IL16: variants seen among roughly 807,000 people sequenced by gnomAD.
IL16 encodes interleukin 16, also known as pro-interleukin-16.
In IL16, 67 loss-of-function variants were observed where a neutral mutation model predicts 110.1. The observed-to-expected ratio is 0.61, with a 90% CI of 0.50 to 0.75. The LOEUF (loss-of-function observed/expected upper bound fraction) is 0.75. Among genes scored for constraint, IL16 ranks in the 30% least tolerant of loss-of-function variants. The pLI is 0.00. For missense variants in IL16, 1,545 were observed against 1,655.0 expected, an observed-to-expected ratio of 0.93 and a Z score of 1.15; for synonymous variants, 689 against 662.9, an observed-to-expected ratio of 1.04 and a Z score of -0.61.
chr15:81,278,148 T>C (rs1898999077), intron 6 of IL16, among the ~76,000 whole-genome samples: 1 of 152,068 alleles, frequency 6.6e-6, no homozygotes, highest in African/African-American at 2.4e-5. Flanking sequence ...TTCTGGAAAA[T>C]CGTATCCAAA....
chr15:81,300,873 T>C (rs554192214), intron 14 of IL16, among the ~76,000 whole-genome samples: 27 of 152,224 alleles, frequency 1.8e-4, no homozygotes, highest in Non-Finnish European at 3.7e-4. Flanking sequence ...CAGGAATTCT[T>C]ACTCTCCAAA....
At chr15:81,241,571 T>C (rs1897337845) in intron 2 of IL16, among the ~76,000 whole-genome samples, 1 of 152,170 alleles carries the variant, frequency 6.6e-6, no homozygotes, top group Non-Finnish European at 1.5e-5. Context: ...TTAATAATTC[T>C]ATTTATGAAC....
chr15:81,251,076 A>G (rs1355580040), intron 2 of IL16, among the ~76,000 whole-genome samples: 1 of 152,140 alleles, frequency 6.6e-6, no homozygotes, highest in Non-Finnish European at 1.5e-5. Flanking sequence ...ACTATGGTAC[A>G]GCTTTTATTT....
Position 81,278,904 on chromosome 15 carries a change from A to T in IL16, c.864+14A>T, listed in dbSNP as rs757712833. 2 of 1,589,136 alleles carry T rather than the reference A, an allele frequency of 1.3e-6. No homozygotes were observed. Among genetic ancestry groups the T allele is most frequent in the African/African-American group, 2.7e-5 (2 of 74,516 alleles). ...CAGAAGTTCAAGGTGACCATTTCTT[A>T]TCAACACGTGACCAAACTCTGGGGC... On this transcript the variant is annotated intron_variant, in intron 7 of 18. Coordinates refer to ENST00000683961, the MANE Select transcript of IL16 (RefSeq NM_172217.5).
In IL16 at chr15:81,196,917, A is replaced by G. The variant is rs1187192596; in HGVS notation, c.-337A>G. ...GTCACCTGTCCAGAGCAGGTGGTGA[A>G]TATTGTGTCCTACTCACGGCATCTC... On this transcript the variant is annotated 5_prime_UTR_variant, in exon 1 of 19. Coordinates refer to ENST00000683961, the MANE Select transcript of IL16 (RefSeq NM_172217.5). 8.2e-7 allele frequency: 1 copy of G among 1,224,280 alleles called. No homozygotes were observed. The highest frequency in any genetic ancestry group is 5.9e-5 in the East Asian group (1 of 17,002). 75.8% of individuals were successfully genotyped at this position (1,224,280 alleles called of 1,614,324 possible). A position where few individuals can be genotyped will look rare whatever the true frequency, so the allele number is the denominator to read the frequency against.
rs182011811 is a variant in IL16, at chr15:81,230,465, A to G, written c.312+4754A>G. Among the ~76,000 whole-genome samples the G allele has an allele frequency of 7.9e-5, 12 of 152,230 alleles. No individual in the cohort carries two copies. The East Asian group carries it at 2.1e-3, about 27-fold the overall frequency. ...CTTCAGACATTGGCAGGGACTTGTT[A>G]TGAGCTGTCCTCTGGAGATAAAGAA... On this transcript the variant is annotated intron_variant, in intron 2 of 18. Coordinates refer to ENST00000683961, the MANE Select transcript of IL16 (RefSeq NM_172217.5).
intron 1 of IL16, among the ~76,000 whole-genome samples, chr15:81,220,595 TG>T (rs1896580396): frequency 6.6e-6 from 1 of 152,220 alleles, no homozygotes; most frequent in Non-Finnish European, 1.5e-5. Context: ...TGTAGGACAC[TG>T]TTGGAGAATT....
intron 1 of IL16, among the ~76,000 whole-genome samples, chr15:81,202,899 C>A (rs1895872130): frequency 6.6e-6 from 1 of 152,144 alleles, no homozygotes; most frequent in South Asian, 2.1e-4. Context: ...GGAATCGCCA[C>A]ACTGACTTCC....
chr15:81,253,096 G>T (rs1567019743), intron 2 of IL16, among the ~76,000 whole-genome samples: 1 of 152,154 alleles, frequency 6.6e-6, no homozygotes, highest in Non-Finnish European at 1.5e-5. Flanking sequence ...CATCATCAAT[G>T]TAAGAGCATT....
intron 1 of IL16, among the ~76,000 whole-genome samples, chr15:81,213,212 T>C (rs780808721): frequency 2.6e-5 from 4 of 152,252 alleles, no homozygotes; most frequent in Non-Finnish European, 5.9e-5. Context: ...AGCTTCTTGA[T>C]ACTGATTTCT....
chr15:81,284,878 T>A (rs1157173315), intron 9 of IL16, among the ~76,000 whole-genome samples: 1 of 152,210 alleles, frequency 6.6e-6, no homozygotes, highest in Non-Finnish European at 1.5e-5. Context: ...TTGAATAGTT[T>A]CGATAAAGAC....
chr15:81,210,205 A>G (rs1595950092), intron 1 of IL16, among the ~76,000 whole-genome samples: 2 of 151,886 alleles, frequency 1.3e-5, no homozygotes. Context: ...TGAGTTTTGT[A>G]TTTCGTTTCA....
In IL16 at chr15:81,308,664, G is replaced by A. The variant is rs1162906017; in HGVS notation, c.3865G>A (p.Gly1289Ser). 1.2e-6 allele frequency: 2 copies of A among 1,613,430 alleles called. No homozygotes were observed. The highest frequency in any genetic ancestry group is 8.5e-7 in the Non-Finnish European group (1 of 1,179,488). Reference sequence around the variant, plus strand: ...TGGAGATGAAATCTTACAGCTGGGTGGCACTGCCATGCAGGGCCTCACACG... The same window carrying A: ...TGGAGATGAAATCTTACAGCTGGGTAGCACTGCCATGCAGGGCCTCACACG... The part of the protein sequence containing the change: ...QPGDEILQLG[G>S]TAMQGLTRFE... The change falls in exon 19 of 19, where the codon GGC becomes AGC. Residue 1289 changes from glycine to serine, a missense_variant. This residue lies in a region of IL16 where 356 missense variants were observed against 399.3 expected (regional missense o/e 0.89). Coordinates refer to ENST00000683961, the MANE Select transcript of IL16 (RefSeq NM_172217.5).
At chr15:81,232,359 C>T (rs146941564) in intron 2 of IL16, among the ~76,000 whole-genome samples, 35 of 152,182 alleles carry the variant, frequency 2.3e-4, no homozygotes, top group African/African-American at 8.4e-4. Context: ...AGGCTAAGGC[C>T]TACAGTGCAA....
chr15:81,258,259 AT>A (rs1391087305), intron 2 of IL16, among the ~76,000 whole-genome samples: 1 of 152,144 alleles, frequency 6.6e-6, no homozygotes, highest in Non-Finnish European at 1.5e-5. Context: ...TTGTCTCAAA[AT>A]CTCATCTTAG....
intron 12 of IL16, among the ~76,000 whole-genome samples, chr15:81,296,484 G>C (rs1389852573): frequency 2.0e-5 from 3 of 152,220 alleles, no homozygotes; most frequent in African/African-American, 7.2e-5. Flanking sequence ...GACAGCAATT[G>C]ACAAGCATTT....
rs1267969880 is a variant in IL16 at position 81,220,811 on chromosome 15, ATG to A, written c.-101-4487_-101-4486del. 5.8e-3 allele frequency among the ~76,000 whole-genome samples: 871 copies of A among 150,234 alleles called. 3 individuals carry two copies. The highest frequency in any genetic ancestry group is 0.017 in the Middle Eastern group (5 of 290). On this transcript the variant is annotated intron_variant, in intron 1 of 18. Coordinates refer to ENST00000683961, the MANE Select transcript of IL16 (RefSeq NM_172217.5). ...CTTGTTGAATGAAAAAAAAAAAAAA[ATG>A]AAAAGGAAGGAAGGAAGGAGGAGGA...
intron 1 of IL16, among the ~76,000 whole-genome samples, chr15:81,222,908 G>T (rs1352266582): frequency 6.6e-6 from 1 of 152,102 alleles, no homozygotes; most frequent in South Asian, 2.1e-4. Flanking sequence ...TTTGGGAAGT[G>T]GAATTGGCAG....
At chr15:81,195,884 G>A (rs957042345), upstream of IL16, among the ~76,000 whole-genome samples, 2 of 152,180 alleles carry the variant, frequency 1.3e-5, no homozygotes, top group Admixed American at 1.3e-4. Context: ...GCTACGTGGG[G>A]GAAAGGCACT....
Sources: allele counts gnomAD v4.1 joint callset (sites outside exome capture counted in the v4.1 genomes callset), GRCh38; gene constraint gnomAD v4.1.1; regional missense constraint gnomAD v4.1.1; transcripts MANE v1.5; gene names NCBI Gene and HGNC (gene_info 2026-07-23, HGNC 2026-07-21).